MED7: variants seen among roughly 807,000 people sequenced by gnomAD.
MED7 encodes the protein mediator of RNA polymerase II transcription subunit 7.
A neutral mutation model predicts 16.6 loss-of-function variants in MED7; 7 were observed. The ratio of observed to expected loss-of-function variants is 0.42; its 90% confidence interval spans 0.24 to 0.79. MED7 has a LOEUF of 0.79. MED7 is among the 30% of genes least tolerant of loss of function. The pLI, the probability that MED7 is intolerant of heterozygous loss-of-function variation, is 0.27. For synonymous variants in MED7, 88 were observed against 90.5 expected, an observed-to-expected ratio of 0.97 and a Z score of 0.16; for missense variants, 240 against 286.3, an observed-to-expected ratio of 0.84 and a Z score of 1.17.
At chr5:157,142,439 C>T (rs960157740) in intron 1 of MED7, 4 of 152,262 alleles carry the variant, frequency 2.6e-5, no homozygotes, top group South Asian at 2.1e-4. Context: ...GAAGGAAGGG[C>T]AGGGAGGGCT....
At chr5:157,141,510 T>C (rs1319262487) in intron 1 of MED7, among the ~76,000 whole-genome samples, 1 of 152,260 alleles carries the variant, frequency 6.6e-6, no homozygotes, top group African/African-American at 2.4e-5. Context: ...GCCAACTACA[T>C]GACAGGTACC....
intron 1 of MED7, among the ~76,000 whole-genome samples, chr5:157,141,219 T>C (rs1258818931): frequency 6.6e-6 from 1 of 151,732 alleles, no homozygotes; most frequent in East Asian, 2.0e-4. Flanking sequence ...TAGCTAGGAC[T>C]ACAGGCGCCC....
chr5:157,142,054 G>A (rs903612618), intron 1 of MED7, among the ~76,000 whole-genome samples: 37 of 152,174 alleles, frequency 2.4e-4, no homozygotes, highest in African/African-American at 8.4e-4. Flanking sequence ...TCCCTAAGCC[G>A]AGAAGCATCT....
Position 157,139,098 on chromosome 5 carries a change from G to C in MED7, c.334C>G (p.Leu112Val), listed in dbSNP as rs775313249. 6.2e-7 allele frequency: 1 copy of C among 1,613,974 alleles called. No individual in the cohort carries two copies. Among genetic ancestry groups the C allele is most frequent in the Non-Finnish European group, 8.5e-7 (1 of 1,179,958 alleles). ...SIKREEKLED[L>V]KLLFVHVHHL... ...TGCACGTGTACAAAAAGCAGCTTAA[G>C]ATCTTCTAGTTTCTCTTCTCGTTTT... is the stretch of plus-strand genomic sequence containing the variant. Residue 112 changes from leucine (L) to valine (V), a missense_variant, in exon 2 of 2, where the codon CTT becomes GTT. Coordinates refer to ENST00000286317, the MANE Select transcript of MED7 (RefSeq NM_004270.5).
Position 157,138,799 on chromosome 5 carries a change from C to G in MED7, c.633G>C (p.Arg211Ser). Residue 211 changes from arginine (R) to serine (S), a missense_variant, in exon 2 of 2, where the codon AGG (arginine) becomes AGC (serine). Coordinates refer to ENST00000286317, the MANE Select transcript of MED7 (RefSeq NM_004270.5). ...NEHQRENSGH[R>S]RDQIIEKDAA... ...CATCTTTCTCTATAATCTGATCTCT[C>G]CTATGACCTGAATTTTCTCTTTGAT... 1.2e-6 allele frequency: 2 copies of G among 1,614,096 alleles called. No homozygotes were observed. The highest frequency in any genetic ancestry group is 1.7e-6 in the Non-Finnish European group (2 of 1,180,024).
At position 157,139,405 on chromosome 5, in the gene MED7, T is replaced by A; in HGVS notation, c.27A>T (p.Ala9=). 13 of 1,587,698 alleles carry A rather than the reference T, an allele frequency of 8.2e-6. No individual in the cohort carries two copies. The highest frequency in any genetic ancestry group is 1.1e-5 in the Non-Finnish European group (13 of 1,168,054). Residue 9 remains alanine, a synonymous_variant, in exon 2 of 2, where the codon GCA becomes GCT. Coordinates refer to ENST00000286317, the MANE Select transcript of MED7 (RefSeq NM_004270.5). The part of the protein sequence containing the change: MGEPQQVS[A]LPPPPMQYIK... The stretch of plus-strand genomic sequence containing the variant: ...TATATTGCATTGGAGGTGGTGGAAG[T>A]GCACTCACTTGCTGTGGTTCACCCA...
Position 157,138,997 on chromosome 5 carries a change from T to C in MED7, c.435A>G (p.Gln145=), listed in dbSNP as rs1438768781. 6.2e-7 allele frequency: 1 copy of C among 1,614,196 alleles called. No individual in the cohort carries two copies. The highest frequency in any genetic ancestry group is 8.5e-7 in the Non-Finnish European group (1 of 1,180,026). The stretch of plus-strand genomic sequence containing the variant: ...GAAATCTCTCAGCTGTTTCAAGCCG[T>C]TGACGTTTCTGGACCTCCATCATGA... ...LRVMMEVQKR[Q]RLETAERFQK... The change falls in exon 2 of 2, where the codon CAA becomes CAG. Residue 145 remains glutamine (Q), a synonymous_variant. Transcript: ENST00000286317.
intron 1 of MED7, among the ~76,000 whole-genome samples, chr5:157,140,102 G>C (rs771331487): frequency 3.9e-5 from 6 of 152,122 alleles, no homozygotes; most frequent in Admixed American, 2.0e-4. Flanking sequence ...TGCAACCTCC[G>C]CCTCCTGGGC....
rs925276421 is a variant in MED7, at chr5:157,137,901, G to C, written c.*829C>G. ...AGTCATATGTTCTCACAGAGATGCT[G>C]GGAGTAGGGAAATGTCCCTGGCTGG... On this transcript the variant is annotated 3_prime_UTR_variant, in exon 2 of 2. Transcript: ENST00000286317. 1 of 152,214 alleles carries C rather than the reference G, an allele frequency of 6.6e-6. No individual in the cohort carries two copies. Among genetic ancestry groups the C allele is most frequent in the African/African-American group, 2.4e-5 (1 of 41,444 alleles). The allele number at this position is 152,214 out of a possible 1,614,324, so 9.4% of individuals were successfully genotyped here. A position where few individuals can be genotyped will look rare whatever the true frequency, so the allele number is the denominator to read the frequency against.
chr5:157,141,182 G>A (rs976065159), intron 1 of MED7, among the ~76,000 whole-genome samples: 2 of 152,002 alleles, frequency 1.3e-5, no homozygotes, highest in Non-Finnish European at 2.9e-5. Context: ...CCGGGTTCAC[G>A]CCATTCTCCT....
chr5:157,139,007 T>C lies in MED7; in HGVS notation c.425A>G (p.Gln142Arg). 2 of 1,614,228 alleles carry C rather than the reference T, an allele frequency of 1.2e-6. No homozygotes were observed. The highest frequency in any genetic ancestry group is 1.7e-6 in the Non-Finnish European group (2 of 1,180,048). ...RETLRVMMEVQKRQRLETAER... is the reference protein window; with the variant it reads ...RETLRVMMEVRKRQRLETAER... Reference sequence around the variant, plus strand: ...AGCTGTTTCAAGCCGTTGACGTTTCTGGACCTCCATCATGACTCTCAAGGT... The same window carrying C: ...AGCTGTTTCAAGCCGTTGACGTTTCCGGACCTCCATCATGACTCTCAAGGT... Residue 142 changes from glutamine to arginine, a missense_variant, in exon 2 of 2, where the codon CAG becomes CGG. Physicochemically the swap from Gln to Arg is conservative, Grantham distance 43 (BLOSUM62 1). Coordinates refer to ENST00000286317, the MANE Select transcript of MED7 (RefSeq NM_004270.5).
rs748793891 is a variant in MED7 at position 157,138,707 on chromosome 5, A to C, written c.*23T>G. On this transcript the variant is annotated 3_prime_UTR_variant, in exon 2 of 2. Transcript: ENST00000286317. Reference sequence around the variant, plus strand: ...AATATATGATGCTATTATCAAAAGGAAAAAAAGAAAAAGAAACATCTTTCA... The same window carrying C: ...AATATATGATGCTATTATCAAAAGGCAAAAAAGAAAAAGAAACATCTTTCA... 58 of 1,541,272 alleles carry C rather than the reference A, an allele frequency of 3.8e-5. No individual in the cohort carries two copies. The African/African-American group carries it at 7.4e-4, about 20-fold the overall frequency.
chr5:157,139,308 A>G lies in MED7; in HGVS notation c.124T>C (p.Tyr42His). Residue 42 changes from tyrosine to histidine, a missense_variant, in exon 2 of 2, where the codon TAC becomes CAC. By Grantham distance (83) the Tyr-to-His change is moderately conservative. Transcript: ENST00000286317. The part of the protein sequence containing the change: ...PKPPPPIKDS[Y>H]MMFGNQFQCD... ...TGGAACTGATTGCCAAACATCATGT[A>G]ACTGTCTTTTATTGGAGGGGGAGGC... The G allele has an allele frequency of 6.2e-7, 1 of 1,614,118 alleles. No individual in the cohort carries two copies. The highest frequency in any genetic ancestry group is 1.3e-5 in the African/African-American group (1 of 75,034).
chr5:157,140,535 T>C (rs1757708136), intron 1 of MED7, among the ~76,000 whole-genome samples: 1 of 152,064 alleles, frequency 6.6e-6, no homozygotes, highest in Admixed American at 6.5e-5. Context: ...CTAGAAGCAA[T>C]ATTATACTTA....
intron 1 of MED7, among the ~76,000 whole-genome samples, chr5:157,140,787 C>T (rs1469482815): frequency 6.6e-6 from 1 of 152,188 alleles, no homozygotes; most frequent in African/African-American, 2.4e-5. Flanking sequence ...AGCAATCCTC[C>T]TGCCTTGGCC....
intron 1 of MED7, among the ~76,000 whole-genome samples, chr5:157,140,399 CTACT>C (rs780875002): frequency 6.6e-6 from 1 of 152,196 alleles, no homozygotes; most frequent in Non-Finnish European, 1.5e-5. Flanking sequence ...ATAATAACCT[CTACT>C]TATTCTACCT....
chr5:157,140,439 G>A (rs1757706402), intron 1 of MED7, among the ~76,000 whole-genome samples: 1 of 152,194 alleles, frequency 6.6e-6, no homozygotes, highest in Admixed American at 6.5e-5. Context: ...CATCCAATGA[G>A]AAGATCCTTA....
intron 1 of MED7, 42 bp from the exon 2 acceptor site, chr5:157,139,490 A>C: frequency 8.5e-7 from 1 of 1,180,914 alleles, no homozygotes; most frequent in Non-Finnish European, 1.2e-6. Flanking sequence ...CACAAGACAA[A>C]CCTGTTACAT....
chr5:157,140,223 G>A (rs1757702975), intron 1 of MED7, among the ~76,000 whole-genome samples: 1 of 152,130 alleles, frequency 6.6e-6, no homozygotes, highest in Admixed American at 6.5e-5. Flanking sequence ...ATGTTGGCCA[G>A]GTTGGTCTCT....
Sources: gnomAD v4.1 joint callset for allele counts (sites outside exome capture counted in the v4.1 genomes callset) on GRCh38, gnomAD v4.1.1 for gene constraint, MANE v1.5 for transcripts, NCBI Gene and HGNC (gene_info 2026-07-23, HGNC 2026-07-21) for gene names.